LMNB2: variants seen among roughly 807,000 people sequenced by gnomAD.
LMNB2 encodes lamin B2.
In LMNB2, 17 loss-of-function variants were observed where a neutral mutation model predicts 69.3. The ratio of observed to expected loss-of-function variants is 0.25; its 90% CI spans 0.17 to 0.37. LMNB2 has a LOEUF of 0.37. Among genes scored for constraint, LMNB2 ranks in the 10% least tolerant of loss-of-function variants. LMNB2 has a pLI of 1.00. For synonymous variants in LMNB2, 397 were observed against 389.3 expected (o/e 1.02, Z -0.23); for missense variants, 789 against 883.6 (o/e 0.89, Z 1.36).
intron 2 of LMNB2, among the ~76,000 whole-genome samples, chr19:2,442,909 G>C (rs1971914363): frequency 6.6e-6 from 1 of 152,198 alleles, no homozygotes; most frequent in Admixed American, 6.5e-5. Context: ...ATCTTAAAGT[G>C]AACAGTTGAG....
rs2145461949 is a variant in LMNB2, at chr19:2,443,874, C to T, written c.401+530G>A. Among the ~76,000 whole-genome samples the T allele has an allele frequency of 6.6e-6, 1 of 152,290 alleles. No individual in the cohort carries two copies. The highest frequency in any genetic ancestry group is 1.9e-4 in the East Asian group (1 of 5,184). On this transcript the variant is annotated intron_variant, in intron 2 of 11. Transcript: ENST00000325327. This position sits in a 1 kb window ranked among gnomAD's most constrained non-coding sequence, Gnocchi z 6.2. ...GGGAGATCGTTTCTGCCGATGGACA[C>T]AGTTGTCACCCAGAAGGACTTTGCA...
At chr19:2,436,635 A>G (rs1162303687) in intron 4 of LMNB2, among the ~76,000 whole-genome samples, 2,356 of 21,616 alleles carry the variant, frequency 0.11, 124 homozygotes, top group African/African-American at 0.28. Flanking sequence ...CCACCCCCAC[A>G]GCCGCGCACC....
Position 2,431,620 on chromosome 19 carries a change from C to A in LMNB2, c.1749G>T (p.Met583Ile), listed in dbSNP as rs139812127. 173 of 1,614,190 alleles carry A rather than the reference C, an allele frequency of 1.1e-4. No individual in the cohort carries two copies. In the African/African-American group the frequency reaches 1.7e-3, roughly 16 times the overall value. ...CTTCCTCCCCATTCTCATTCTCACG[C>A]ATCACCGAGGACTTCTTCACAGTCC... ...AMRTVKKSSVMRENENGEEEE... is the reference protein window; with the variant it reads ...AMRTVKKSSVIRENENGEEEE... The change falls in exon 11 of 12, where the codon ATG becomes ATT. Residue 583 changes from methionine to isoleucine, a missense_variant. Physicochemically the swap from Met to Ile is conservative, Grantham distance 10. This residue lies in a region of LMNB2 where 609 missense variants were observed against 630.9 expected (regional missense o/e 0.97). Coordinates refer to ENST00000325327, the MANE Select transcript of LMNB2 (RefSeq NM_032737.4).
chr19:2,446,240 G>A (rs562779221), intron 1 of LMNB2, among the ~76,000 whole-genome samples: 32 of 147,178 alleles, frequency 2.2e-4, no homozygotes, highest in Admixed American at 4.9e-4. Flanking sequence ...CTTTCCCGAC[G>A]GAGACCCAGC....
Position 2,453,129 on chromosome 19 carries a change from C to T in LMNB2, c.264+3541G>A, listed in dbSNP as rs560887762. On this transcript the variant is annotated intron_variant, in intron 1 of 11. Transcript: ENST00000325327. This position sits in a 1 kb window ranked among gnomAD's most constrained non-coding sequence, Gnocchi z 4.4. ...CGTGGGGGCCAGGTGATTCTCTTCT[C>T]GGGGCGCTGAGCAGTACCCAGCCTC... Among the ~76,000 whole-genome samples, 3 of 152,162 alleles carry T rather than the reference C, an allele frequency of 2.0e-5. No homozygotes were observed. Among genetic ancestry groups the T allele is most frequent in the Admixed American group, 6.5e-5 (1 of 15,286 alleles).
chr19:2,434,550 C>A, intron 6 of LMNB2, 35 bp from the exon 7 acceptor site: 1 of 1,600,240 alleles, frequency 6.2e-7, no homozygotes, highest in South Asian at 1.1e-5. Flanking sequence ...GTCAGGGCAG[C>A]CCATGGGTCA....
Position 2,430,477 on chromosome 19 carries a change from C to T in LMNB2, c.*434G>A, listed in dbSNP as rs1971725993. ...TTGGCCCCGGGCCCCACCAGGTCGA[C>T]GCCTGGATTCTGAATTTGGTTTTGT... On this transcript the variant is annotated 3_prime_UTR_variant, in exon 12 of 12. Coordinates refer to ENST00000325327, the MANE Select transcript of LMNB2 (RefSeq NM_032737.4). The T allele has an allele frequency of 1.8e-5, 5 of 284,156 alleles. No homozygotes were observed. Among genetic ancestry groups the T allele is most frequent in the East Asian group, 9.6e-5 (1 of 10,438 alleles). 17.6% of individuals were successfully genotyped at this position (284,156 alleles called of 1,614,324 possible). A position where few individuals can be genotyped will look rare whatever the true frequency, so the allele number is the denominator to read the frequency against.
chr19:2,432,220 A>G (rs1180395373), intron 9 of LMNB2, among the ~76,000 whole-genome samples, 196 bp downstream of exon 9: 3 of 152,080 alleles, frequency 2.0e-5, no homozygotes, highest in Non-Finnish European at 4.4e-5. Context: ...CCCAGGGCAC[A>G]CCACTCAGGC....
intron 1 of LMNB2, among the ~76,000 whole-genome samples, chr19:2,449,574 G>A (rs1971996662): frequency 6.6e-6 from 1 of 152,142 alleles, no homozygotes; most frequent in African/African-American, 2.4e-5. Context: ...GAGGTCAGCA[G>A]TTCGAGACCA....
chr19:2,434,642 C>A, intron 6 of LMNB2, 127 bp from the exon 7 acceptor site: 1 of 1,497,334 alleles, frequency 6.7e-7, no homozygotes, highest in Non-Finnish European at 9.0e-7. Context: ...GCATGGGGCG[C>A]ACGGGAGGGG....
At position 2,455,421 on chromosome 19, in the gene LMNB2, C is replaced by T. The variant is rs549549881; in HGVS notation, c.264+1249G>A. On this transcript the variant is annotated intron_variant, in intron 1 of 11. Coordinates refer to ENST00000325327, the MANE Select transcript of LMNB2 (RefSeq NM_032737.4). ...CACACCCCCTCAGTTGGGGGGGGTC[C>T]GCCAAGTCTCCTTGGAATCCTCTGA... Among the ~76,000 whole-genome samples the T allele has an allele frequency of 3.6e-4, 55 of 152,176 alleles. 1 individual carries two copies. In the Middle Eastern group the frequency reaches 0.014, roughly 38 times the overall value.
chr19:2,434,402 G>A lies in LMNB2; in HGVS notation c.1095C>T (p.Asp365=), dbSNP rs990065554. The A allele has an allele frequency of 2.5e-6, 4 of 1,613,416 alleles. No homozygotes were observed. Among genetic ancestry groups the A allele is most frequent in the Admixed American group, 3.3e-5 (2 of 60,018 alleles). ...AKEQEMTEMR[D]VMQQQLAEYQ... ...ACTCGGCCAGCTGCTGCTGCATCACGTCCCGCATCTCCGTCATCTCCTGCT... is the reference window on the plus strand; with the variant it reads ...ACTCGGCCAGCTGCTGCTGCATCACATCCCGCATCTCCGTCATCTCCTGCT... Residue 365 remains aspartate, a synonymous_variant, in exon 7 of 12, where the codon GAC becomes GAT. Transcript: ENST00000325327.
At chr19:2,434,733 C>T in intron 6 of LMNB2, 55 bp downstream of exon 6, 19 of 1,566,442 alleles carry the variant, frequency 1.2e-5, no homozygotes, top group Non-Finnish European at 1.6e-5. Flanking sequence ...ACATCCAGGG[C>T]AGGGCCCAGA....
chr19:2,432,553 A>G, intron 8 of LMNB2, 30 bp from the exon 9 acceptor site: 1 of 1,575,396 alleles, frequency 6.3e-7, no homozygotes, highest in Non-Finnish European at 8.7e-7. Flanking sequence ...CCTGACCCTC[A>G]GCCACCAGGA....
intron 2 of LMNB2, among the ~76,000 whole-genome samples, chr19:2,439,031 T>G (rs1971860923): frequency 7.1e-6 from 1 of 139,960 alleles, no homozygotes; most frequent in African/African-American, 2.6e-5. Flanking sequence ...TGTAGGCACT[T>G]AAGCTTTTTT....
chr19:2,431,870 G>C lies in LMNB2; in HGVS notation c.1623C>G (p.Ser541Arg). The C allele has an allele frequency of 6.2e-7, 1 of 1,612,916 alleles. No individual in the cohort carries two copies. Among genetic ancestry groups the C allele is most frequent in the Non-Finnish European group, 8.5e-7 (1 of 1,179,886 alleles). Residue 541 changes from serine (S) to arginine (R), a missense_variant, in exon 10 of 12, where the codon AGC becomes AGG. By Grantham distance (110) the Ser-to-Arg change is moderately radical (BLOSUM62 -1). This residue lies in a region of LMNB2 where 609 missense variants were observed against 630.9 expected (regional missense o/e 0.97). Transcript: ENST00000325327. ...CCTTCCACACCAGCGTCGAGGGGGG[G>C]CTGTGGGCCACCCCCGCACCAGCTG... is the stretch of plus-strand genomic sequence containing the variant. ...VWAAGAGVAH[S>R]PPSTLVWKGQ...
rs1239557570 is a variant in LMNB2, at chr19:2,443,963, C to T, written c.401+441G>A. On this transcript the variant is annotated intron_variant, in intron 2 of 11. Coordinates refer to ENST00000325327, the MANE Select transcript of LMNB2 (RefSeq NM_032737.4). This position sits in a 1 kb window ranked among gnomAD's most constrained non-coding sequence, Gnocchi z 6.2. Reference sequence around the variant, plus strand: ...GGTCACACACCACACACCCGAGCGTCCCAACAGCTGGGACAAAACCCCGGC... The same window carrying T: ...GGTCACACACCACACACCCGAGCGTTCCAACAGCTGGGACAAAACCCCGGC... 1.3e-5 allele frequency among the ~76,000 whole-genome samples: 2 copies of T among 152,132 alleles called. No homozygotes were observed. Among genetic ancestry groups the T allele is most frequent in the African/African-American group, 4.8e-5 (2 of 41,426 alleles).
At chr19:2,434,593 T>A (rs542328540) in intron 6 of LMNB2, 78 bp from the exon 7 acceptor site, 1 of 1,539,474 alleles carries the variant, frequency 6.5e-7, no homozygotes, top group African/African-American at 1.4e-5. Flanking sequence ...CTGCGGGAGA[T>A]GGGCCCTCAC....
intron 1 of LMNB2, 108 bp downstream of exon 1, chr19:2,456,562 G>T: frequency 8.6e-7 from 1 of 1,160,000 alleles, no homozygotes. Flanking sequence ...CGAAGCCGGG[G>T]CCCGTCCCCG....
Sources: gnomAD v4.1 joint callset for allele counts (sites outside exome capture counted in the v4.1 genomes callset) on GRCh38, gnomAD v4.1.1 for gene constraint, gnomAD v4.1.1 regional missense constraint, Gnocchi (gnomAD v3.1) non-coding constraint, MANE v1.5 for transcripts, NCBI Gene and HGNC (gene_info 2026-07-23, HGNC 2026-07-21) for gene names.